The following PCLO variants were observed in gnomAD, a reference collection of about 807,000 sequenced individuals.
PCLO encodes the protein protein piccolo.
Under a neutral mutation model 427.5 loss-of-function variants are expected in PCLO, and 82 were observed. The observed-to-expected ratio is 0.19, with a 90% CI of 0.16 to 0.23. The LOEUF (loss-of-function observed/expected upper bound fraction) is 0.23, where lower values mean the gene tolerates loss of function less well. PCLO is among the 10% of genes least tolerant of loss of function. The pLI, the probability that PCLO is intolerant of heterozygous loss-of-function variation, is 1.00. For synonymous variants in PCLO, 2,357 were observed against 2,155.4 expected (o/e 1.09, Z -2.59); for missense variants, 6,239 against 6,115.9 (o/e 1.02, Z -0.67).
At chr7:82,854,459 T>A (rs948059194) in intron 10 of PCLO, among the ~76,000 whole-genome samples, 1 of 152,136 alleles carries the variant, frequency 6.6e-6, no homozygotes, top group East Asian at 1.9e-4. Context: ...ATAAAGATAA[T>A]ATAATTTTAA....
At chr7:82,924,598 T>G (rs1446967799) in intron 6 of PCLO, among the ~76,000 whole-genome samples, 5 of 152,236 alleles carry the variant, frequency 3.3e-5, no homozygotes, top group African/African-American at 1.2e-4. Flanking sequence ...TGAAAAATTA[T>G]GTAAGTCCTA....
At chr7:83,053,716 C>A (rs985779706) in intron 3 of PCLO, among the ~76,000 whole-genome samples, 2 of 152,038 alleles carry the variant, frequency 1.3e-5, no homozygotes, top group East Asian at 3.9e-4. Flanking sequence ...TCTAATTATT[C>A]TGAGTTTTCA....
chr7:82,859,063 T>C (rs542911640), intron 10 of PCLO, among the ~76,000 whole-genome samples: 2 of 152,144 alleles, frequency 1.3e-5, no homozygotes, highest in South Asian at 2.1e-4. Context: ...GTTTGGTTGT[T>C]TGAGGGCCAG....
intron 22 of PCLO, among the ~76,000 whole-genome samples, chr7:82,795,701 A>C (rs1190936301): frequency 6.6e-6 from 1 of 152,184 alleles, no homozygotes; most frequent in Non-Finnish European, 1.5e-5. Flanking sequence ...GGAAATTATT[A>C]TTTCAATTAT....
At chr7:83,129,213 G>A (rs1013875) in intron 3 of PCLO, among the ~76,000 whole-genome samples, 74,481 of 151,882 alleles carry the variant, frequency 0.49, 19,206 homozygotes, top group East Asian at 0.69. Flanking sequence ...CTATCCCACA[G>A]GGTTGTGGTG....
intron 3 of PCLO, among the ~76,000 whole-genome samples, chr7:83,115,927 T>C (rs1791119776): frequency 6.6e-6 from 1 of 151,756 alleles, no homozygotes; most frequent in African/African-American, 2.4e-5. Context: ...TTTTAGATCT[T>C]ATAATTAATA....
intron 22 of PCLO, among the ~76,000 whole-genome samples, chr7:82,779,010 A>G (rs1054626226): frequency 2.0e-5 from 3 of 152,146 alleles, no homozygotes; most frequent in African/African-American, 7.2e-5. Context: ...TTGAACTTTC[A>G]TGACATTTAT....
intron 9 of PCLO, among the ~76,000 whole-genome samples, chr7:82,892,487 T>C (rs112243210): frequency 0.29 from 44,379 of 151,940 alleles, 7,284 homozygotes; most frequent in East Asian, 0.61. Flanking sequence ...GCAGAAAACC[T>C]AGGCATTACC....
chr7:82,893,849 C>G (rs866783921), intron 9 of PCLO, among the ~76,000 whole-genome samples: 2 of 151,744 alleles, frequency 1.3e-5, no homozygotes, highest in Non-Finnish European at 2.9e-5. Flanking sequence ...GTAATTCTGG[C>G]TGGTATATTA....
intron 6 of PCLO, among the ~76,000 whole-genome samples, chr7:82,947,916 T>G (rs1247670030): frequency 5.9e-5 from 9 of 152,100 alleles, no homozygotes. Flanking sequence ...CTGAGCTCAT[T>G]TGAATTAAGG....
At chr7:82,859,406 G>C (rs1792896770) in intron 10 of PCLO, among the ~76,000 whole-genome samples, 1 of 152,220 alleles carries the variant, frequency 6.6e-6, no homozygotes, top group Admixed American at 6.5e-5. Context: ...TCAGAACAGA[G>C]AGAGACAGAC....
intron 24 of PCLO, among the ~76,000 whole-genome samples, chr7:82,759,782 T>C (rs542163120): frequency 6.6e-6 from 1 of 152,096 alleles, no homozygotes; most frequent in East Asian, 1.9e-4. Flanking sequence ...TCCTTGTCTC[T>C]ATATCTACTA....
chr7:83,076,980 AACAATTAAAAGTATAATAATTTTAAAAT>A (rs1244001505), intron 3 of PCLO, among the ~76,000 whole-genome samples: 1 of 85,622 alleles, frequency 1.2e-5, no homozygotes, highest in Non-Finnish European at 2.1e-5. Flanking sequence ...GCCTGCTTTA[AACAATTAAAAGTATAATAATTTTAAAAT>A]TAAAAATGCA....
At chr7:82,967,968 TAGTTGCTTATCTTAA>T (rs1795817256) in intron 3 of PCLO, among the ~76,000 whole-genome samples, 1 of 152,234 alleles carries the variant, frequency 6.6e-6, no homozygotes, top group South Asian at 2.1e-4. Context: ...TCACTCTTTC[TAGTTGCTTATCTTAA>T]AGTATTTAGA....
intron 3 of PCLO, among the ~76,000 whole-genome samples, chr7:83,093,869 T>A (rs1790457596): frequency 6.8e-6 from 1 of 146,874 alleles, no homozygotes; most frequent in South Asian, 2.1e-4. Context: ...AATTTTGAGA[T>A]AATTGTAAAT....
chr7:83,118,661 C>T (rs1262298638), intron 3 of PCLO, among the ~76,000 whole-genome samples: 1 of 152,062 alleles, frequency 6.6e-6, no homozygotes, highest in Admixed American at 6.6e-5. Context: ...TTCAAGCAGC[C>T]CCAGCCAGAG....
intron 3 of PCLO, among the ~76,000 whole-genome samples, chr7:83,129,799 A>G (rs1791524755): frequency 6.6e-6 from 1 of 152,188 alleles, no homozygotes; most frequent in Non-Finnish European, 1.5e-5. Flanking sequence ...ATGTTTACTC[A>G]GATACAGAAC....
chr7:83,021,993 C>A (rs555273558), intron 3 of PCLO, among the ~76,000 whole-genome samples: 3 of 152,138 alleles, frequency 2.0e-5, no homozygotes, highest in Non-Finnish European at 4.4e-5. Context: ...ATGTTATGGT[C>A]TGAATGGTCT....
chr7:82,893,317 G>A (rs564230460), intron 9 of PCLO, among the ~76,000 whole-genome samples: 19 of 152,044 alleles, frequency 1.2e-4, no homozygotes, highest in African/African-American at 2.9e-4. Flanking sequence ...GCAAACTATC[G>A]CAAGGACAAA....
Sources: gnomAD v4.1 joint callset for allele counts (sites outside exome capture counted in the v4.1 genomes callset) on GRCh38, gnomAD v4.1.1 for gene constraint, MANE v1.5 for transcripts, NCBI Gene and HGNC (gene_info 2026-07-23, HGNC 2026-07-21) for gene names.